Variants in FER1L5 observed in about 807,000 individuals in gnomAD.
FER1L5 encodes the protein fer-1 like family member 5.
FER1L5 carries 187 observed loss-of-function variants against 279.9 expected under a neutral mutation model. The observed-to-expected ratio is 0.67, with a 90% CI of 0.59 to 0.75. The LOEUF (loss-of-function observed/expected upper bound fraction) is 0.75. Among genes scored for constraint, FER1L5 ranks in the 30% least tolerant of loss-of-function variants. The pLI is 0.00. For synonymous variants in FER1L5, 921 were observed against 989.7 expected (o/e 0.93, Z 1.30); for missense variants, 2,091 against 2,594.4 (o/e 0.81, Z 4.21).
At position 96,695,787 on chromosome 2, in the gene FER1L5, G is replaced by C; in HGVS notation, c.3940G>C (p.Val1314Leu). 1 of 1,613,076 alleles carries C rather than the reference G, an allele frequency of 6.2e-7. No homozygotes were observed. The highest frequency in any genetic ancestry group is 8.5e-7 in the Non-Finnish European group (1 of 1,179,550). ...CTATGCACTGCCCCTCGTGGTGAAG[G>C]TGGTAGACAACTGGGCCTTCGGCCA... Reference protein sequence around the residue: ...EAYALPLVVKVVDNWAFGQQT... With the variant: ...EAYALPLVVKLVDNWAFGQQT... Residue 1314 changes from valine to leucine, a missense_variant, in exon 36 of 53, where the codon GTG becomes CTG. By Grantham distance (32) the Val-to-Leu change is conservative (BLOSUM62 1). Transcript: ENST00000624922.
At chr2:96,658,583 A>G (rs555208910) in intron 9 of FER1L5, among the ~76,000 whole-genome samples, 1 of 151,716 alleles carries the variant, frequency 6.6e-6, no homozygotes, top group Admixed American at 6.5e-5. Flanking sequence ...GAAAATTTCT[A>G]AAAGTTTTTT....
chr2:96,702,666 G>A lies in FER1L5; in HGVS notation c.5322G>A (p.Glu1774=), dbSNP rs1224103147. The A allele has an allele frequency of 1.9e-6, 3 of 1,610,534 alleles. No individual in the cohort carries two copies. The highest frequency in any genetic ancestry group is 2.5e-6 in the Non-Finnish European group (3 of 1,178,412). The stretch of plus-strand genomic sequence containing the variant: ...TCCACTACCACTCGCTGACTGGGGA[G>A]GCCGACTTCAACTGGCGGTTCATCT... ...TDIHYHSLTG[E]ADFNWRFIFT... is the part of the protein sequence containing the mutation. Residue 1774 remains glutamate (E), a synonymous_variant, in exon 48 of 53, where the codon GAG becomes GAA. Coordinates refer to ENST00000624922, the MANE Select transcript of FER1L5 (RefSeq NM_001293083.2). The surrounding 1 kb of genome is among the most constrained non-coding windows in gnomAD (Gnocchi z 4.0).
intron 21 of FER1L5, 84 bp from the exon 22 acceptor site, chr2:96,685,856 C>A (rs1238988395): frequency 3.5e-6 from 5 of 1,435,894 alleles, no homozygotes; most frequent in Non-Finnish European, 4.6e-6. Context: ...CCAGGAGGGG[C>A]ACGCTGGCCT....
chr2:96,673,677 A>G lies in FER1L5; in HGVS notation c.1669+423A>G, dbSNP rs756592076. On this transcript the variant is annotated intron_variant, in intron 19 of 52. Coordinates refer to ENST00000624922, the MANE Select transcript of FER1L5 (RefSeq NM_001293083.2). ...CTCCAGCCGTTCATTCACTCATCCA[A>G]TATATACTTATTGCACACCTATATT... Among the ~76,000 whole-genome samples, 6 of 152,074 alleles carry G rather than the reference A, an allele frequency of 3.9e-5. No homozygotes were observed. In the South Asian group the frequency reaches 8.3e-4, roughly 21 times the overall value.
At chr2:96,659,062 C>G in intron 9 of FER1L5, among the ~76,000 whole-genome samples, 5 of 151,858 alleles carry the variant, frequency 3.3e-5, no homozygotes, top group Admixed American at 2.0e-4. Context: ...TCTCCTGCCT[C>G]AGCCTCCTAC....
intron 26 of FER1L5, 43 bp from the exon 27 acceptor site, chr2:96,690,444 C>T (rs1483630467): frequency 6.5e-7 from 1 of 1,532,948 alleles, no homozygotes; most frequent in Non-Finnish European, 8.8e-7. Context: ...CAGCCTCCTC[C>T]CAGCTCATGT....
chr2:96,655,209 C>T (rs1444080182), intron 9 of FER1L5, among the ~76,000 whole-genome samples: 1 of 152,098 alleles, frequency 6.6e-6, no homozygotes, highest in Non-Finnish European at 1.5e-5. Flanking sequence ...ATATTGCTGC[C>T]TGTGAGGACA....
chr2:96,644,293 A>G (rs559108435), intron 1 of FER1L5, among the ~76,000 whole-genome samples: 19 of 151,726 alleles, frequency 1.3e-4, no homozygotes, highest in Non-Finnish European at 2.2e-4. Flanking sequence ...CCTGGCTAAC[A>G]CGGTGAAACC....
intron 2 of FER1L5, among the ~76,000 whole-genome samples, chr2:96,646,817 A>G (rs1384903819): frequency 1.3e-5 from 2 of 152,102 alleles, no homozygotes; most frequent in Admixed American, 1.3e-4. Context: ...CCCCATTCCT[A>G]GTCCCCAAAC....
At chr2:96,673,031 T>A (rs781216581) in intron 18 of FER1L5, 46 bp from the exon 19 acceptor site, 8 of 1,532,690 alleles carry the variant, frequency 5.2e-6, no homozygotes, top group South Asian at 2.4e-5. Context: ...ATATAACCCT[T>A]GGCTTATGTA....
At chr2:96,676,846 C>G (rs2106611324) in intron 19 of FER1L5, among the ~76,000 whole-genome samples, 1 of 152,000 alleles carries the variant, frequency 6.6e-6, no homozygotes, top group African/African-American at 2.4e-5. Flanking sequence ...CTTACATTAT[C>G]TTTGTTATAC....
At chr2:96,659,509 CGAGACA>C (rs1192653789) in intron 9 of FER1L5, among the ~76,000 whole-genome samples, 4 of 75,726 alleles carry the variant, frequency 5.3e-5, no homozygotes, top group Non-Finnish European at 9.7e-5. Context: ...TTCTTTCTTT[CGAGACA>C]GAGTCTCGCT....
intron 9 of FER1L5, among the ~76,000 whole-genome samples, chr2:96,659,346 C>CTTCCTTCCTTCCTTCCTTCCTTCT (rs2075768765): frequency 1.3e-5 from 1 of 78,348 alleles, no homozygotes; most frequent in Admixed American, 1.8e-4. Context: ...TCCTTCCTTC[C>CTTCCTTCCTTCCTTCCTTCCTTCT]TTCCTTCCTT....
At chr2:96,670,448 G>A (rs1411281363) in intron 18 of FER1L5, among the ~76,000 whole-genome samples, 1 of 152,102 alleles carries the variant, frequency 6.6e-6, no homozygotes, top group Non-Finnish European at 1.5e-5. Flanking sequence ...GTGGTTGGGG[G>A]ACCCTGATGG....
Position 96,647,883 on chromosome 2 carries a change from A to G in FER1L5, c.336A>G (p.Thr112=). The G allele has an allele frequency of 5.8e-6, 9 of 1,551,472 alleles. No homozygotes were observed. Among genetic ancestry groups the G allele is most frequent in the Non-Finnish European group, 6.1e-6 (7 of 1,146,680 alleles). The stretch of plus-strand genomic sequence containing the variant: ...TGCTCAACCATTCCATGAAGCCCAC[A>G]GATGTGAGTCAGGCCCAGGAAGGCC... ...LTLLNHSMKP[T]DCTVTLQVAH... is the part of the protein sequence containing the mutation. The change falls in exon 4 of 53, where the codon ACA becomes ACG. Residue 112 remains threonine (T), a synonymous_variant. Transcript: ENST00000624922.
At chr2:96,692,239 GGTTGT>G (rs1481977152) in intron 31 of FER1L5, 58 bp downstream of exon 31, 1 of 1,534,872 alleles carries the variant, frequency 6.5e-7, no homozygotes, top group Non-Finnish European at 8.8e-7. Flanking sequence ...AGGAGAGCAG[GGTTGT>G]GTTCCTGCAG....
At chr2:96,686,398 C>T in intron 23 of FER1L5, 48 bp downstream of exon 23, 1 of 1,517,018 alleles carries the variant, frequency 6.6e-7, no homozygotes, top group Non-Finnish European at 8.9e-7. Context: ...AGAAATGCCC[C>T]CAGGGGAGCC....
Position 96,662,303 on chromosome 2 carries a change from G to A in FER1L5, c.1071+36G>A, listed in dbSNP as rs936957234. On this transcript the variant is annotated intron_variant, in intron 13 of 52. Coordinates refer to ENST00000624922, the MANE Select transcript of FER1L5 (RefSeq NM_001293083.2). Reference sequence around the variant, plus strand: ...AAATATTCTGAGACCCAGAGAGATTGGCATCTAGAGAAAGTAGTTTGGAGA... The same window carrying A: ...AAATATTCTGAGACCCAGAGAGATTAGCATCTAGAGAAAGTAGTTTGGAGA... The A allele has an allele frequency of 1.7e-5, 26 of 1,545,238 alleles. No homozygotes were observed. In the Admixed American group the frequency reaches 4.7e-4, roughly 28 times the overall value.
rs1250341464 is a variant in FER1L5 at position 96,700,424 on chromosome 2, G to A, written c.5023G>A (p.Val1675Met). 1.3e-5 allele frequency: 21 copies of A among 1,613,630 alleles called. No individual in the cohort carries two copies. The highest frequency in any genetic ancestry group is 3.3e-5 in the Admixed American group (2 of 59,996). Residue 1675 changes from valine to methionine, a missense_variant, in exon 45 of 53, where the codon GTG (valine) becomes ATG (methionine). Physicochemically the swap from Val to Met is conservative, Grantham distance 21. Coordinates refer to ENST00000624922, the MANE Select transcript of FER1L5 (RefSeq NM_001293083.2). ...CACCCAGGGGCTGGTACCTGAGCAC[G>A]TGGAGACCCGCACACTGTACAGCCA... Reference protein sequence around the residue: ...LHTQGLVPEHVETRTLYSHSQ... With the variant: ...LHTQGLVPEHMETRTLYSHSQ...
Sources: allele counts gnomAD v4.1 joint callset (sites outside exome capture counted in the v4.1 genomes callset), GRCh38; gene constraint gnomAD v4.1.1; non-coding constraint Gnocchi (gnomAD v3.1); transcripts MANE v1.5; gene names NCBI Gene and HGNC (gene_info 2026-07-23, HGNC 2026-07-21).